The following VTI1A variants were observed in gnomAD, a reference collection of about 807,000 sequenced individuals.
VTI1A encodes the protein vesicle transport through interaction with t-SNAREs 1A.
VTI1A carries 22 observed loss-of-function variants against 34.9 expected under a neutral mutation model. That is an observed-to-expected ratio of 0.63 (90% CI 0.45 to 0.90). The LOEUF (loss-of-function observed/expected upper bound fraction) is 0.90, where lower values mean the gene tolerates loss of function less well. Ranked by LOEUF, VTI1A falls within the 40% of genes least tolerant of loss-of-function variation. VTI1A has a pLI of 0.00. For synonymous variants in VTI1A, 87 were observed against 97.3 expected (o/e 0.89, Z 0.62); for missense variants, 268 against 275.6 (o/e 0.97, Z 0.20).
chr10:112,690,084 A>G (rs375891608), intron 7 of VTI1A, among the ~76,000 whole-genome samples: 1 of 152,134 alleles, frequency 6.6e-6, no homozygotes, highest in Non-Finnish European at 1.5e-5. Context: ...ATGTAGTTGC[A>G]TATGTCAGTA....
intron 5 of VTI1A, among the ~76,000 whole-genome samples, chr10:112,573,167 G>A (rs1048504489): frequency 9.2e-5 from 14 of 152,184 alleles, no homozygotes; most frequent in African/African-American, 3.4e-4. Flanking sequence ...CCTAGCAGAT[G>A]TGATTGGAGC....
Position 112,723,583 on chromosome 10 carries a change from A to G in VTI1A, c.560+54585A>G, listed in dbSNP as rs1849893662. On this transcript the variant is annotated intron_variant, in intron 7 of 7. Coordinates refer to ENST00000393077, the MANE Select transcript of VTI1A (RefSeq NM_145206.4). Reference sequence around the variant, plus strand: ...GCTGACCTCCTGAATCTTCAGGACAATCTCAATTTCAGATGGCCCACCCTG... The same window carrying G: ...GCTGACCTCCTGAATCTTCAGGACAGTCTCAATTTCAGATGGCCCACCCTG... Among the ~76,000 whole-genome samples the G allele has an allele frequency of 2.0e-5, 3 of 152,206 alleles. No individual in the cohort carries two copies. In the South Asian group the frequency reaches 6.2e-4, roughly 32 times the overall value.
At chr10:112,664,387 A>T (rs1211097037) in intron 5 of VTI1A, among the ~76,000 whole-genome samples, 17 of 152,030 alleles carry the variant, frequency 1.1e-4, no homozygotes, top group Non-Finnish European at 1.8e-4. Flanking sequence ...GGTCTTATAA[A>T]TTTTTTTTAA....
At chr10:112,596,764 G>C (rs184320105) in intron 5 of VTI1A, among the ~76,000 whole-genome samples, 1 of 152,092 alleles carries the variant, frequency 6.6e-6, no homozygotes, top group Admixed American at 6.5e-5. Context: ...TTGCTTAACT[G>C]TAATTCTTTT....
At chr10:112,715,851 TG>T (rs1235950320) in intron 7 of VTI1A, among the ~76,000 whole-genome samples, 1 of 152,252 alleles carries the variant, frequency 6.6e-6, no homozygotes, top group Non-Finnish European at 1.5e-5. Context: ...TATCTAAGAC[TG>T]GTGTATTCGC....
At chr10:112,595,577 G>T (rs1042607178) in intron 5 of VTI1A, among the ~76,000 whole-genome samples, 10 of 152,072 alleles carry the variant, frequency 6.6e-5, no homozygotes, top group African/African-American at 2.4e-4. Flanking sequence ...ATTATCACTG[G>T]CCATCAGAGA....
At chr10:112,658,718 G>A (rs1408321084) in intron 5 of VTI1A, among the ~76,000 whole-genome samples, 1 of 152,148 alleles carries the variant, frequency 6.6e-6, no homozygotes, top group Non-Finnish European at 1.5e-5. Flanking sequence ...GATAGTACCT[G>A]GCTGTTCTAA....
chr10:112,603,727 CAAG>C (rs995205612), intron 5 of VTI1A, among the ~76,000 whole-genome samples: 1 of 152,092 alleles, frequency 6.6e-6, no homozygotes, highest in Admixed American at 6.6e-5. Flanking sequence ...CAATGAATGA[CAAG>C]AAAGAATAGC....
chr10:112,778,974 A>C lies in VTI1A; in HGVS notation c.561-36316A>C, dbSNP rs974883489. ...GTGACACATTTTCCTAAAAGAAGGAAAAAAATAAGAATAATAATCGAAGTG... is the reference window on the plus strand; with the variant it reads ...GTGACACATTTTCCTAAAAGAAGGACAAAAATAAGAATAATAATCGAAGTG... On this transcript the variant is annotated intron_variant, in intron 7 of 7. Transcript: ENST00000393077. 5.4e-4 allele frequency among the ~76,000 whole-genome samples: 82 copies of C among 152,204 alleles called. 1 individual carries two copies. Among genetic ancestry groups the C allele is most frequent in the African/African-American group, 1.7e-3 (72 of 41,446 alleles).
chr10:112,538,216 G>C, intron 4 of VTI1A, 30 bp from the exon 5 acceptor site: 1 of 1,588,668 alleles, frequency 6.3e-7, no homozygotes, highest in Non-Finnish European at 8.6e-7. Flanking sequence ...ACGGCCGTCT[G>C]ATTTTTTTTT....
At chr10:112,805,048 A>G (rs1361603239) in intron 7 of VTI1A, among the ~76,000 whole-genome samples, 2 of 150,886 alleles carry the variant, frequency 1.3e-5, no homozygotes, top group Non-Finnish European at 3.0e-5. Flanking sequence ...TACTTTTTGT[A>G]GAGACTTGGG....
the VTI1A span, among the ~76,000 whole-genome samples, chr10:112,836,679 G>A: frequency 6.6e-6 from 1 of 152,266 alleles, no homozygotes; most frequent in East Asian, 1.9e-4. Flanking sequence ...GACCTAAAAG[G>A]GGAGTCTAAT....
At position 112,807,180 on chromosome 10, in the gene VTI1A, C is replaced by T. The variant is rs192722429; in HGVS notation, c.561-8110C>T. Among the ~76,000 whole-genome samples, 23 of 152,190 alleles carry T rather than the reference C, an allele frequency of 1.5e-4. No homozygotes were observed. The East Asian group carries it at 3.3e-3, about 22-fold the overall frequency. On this transcript the variant is annotated intron_variant, in intron 7 of 7. Transcript: ENST00000393077. ...GCAGCCATGGGGAAGAAGGTGGAGA[C>T]GTGGAAAACAGTCATCACGAAACCC...
At chr10:112,717,760 C>T (rs771689064) in intron 7 of VTI1A, among the ~76,000 whole-genome samples, 30 of 152,082 alleles carry the variant, frequency 2.0e-4, no homozygotes, top group Non-Finnish European at 3.8e-4. Context: ...AAGGGCCTGC[C>T]GAGGTTTAAG....
At chr10:112,803,358 G>T (rs1340688527) in intron 7 of VTI1A, among the ~76,000 whole-genome samples, 2 of 152,242 alleles carry the variant, frequency 1.3e-5, no homozygotes, top group Non-Finnish European at 2.9e-5. Context: ...ATGAGCCACT[G>T]CACCCAGCCT....
At chr10:112,734,427 G>A (rs947047049) in intron 7 of VTI1A, among the ~76,000 whole-genome samples, 2 of 151,872 alleles carry the variant, frequency 1.3e-5, no homozygotes, top group Admixed American at 6.6e-5. Context: ...ATAATCCTGC[G>A]TTTTACCTTC....
chr10:112,454,128 G>T (rs531224948), intron 1 of VTI1A, among the ~76,000 whole-genome samples: 1 of 152,198 alleles, frequency 6.6e-6, no homozygotes, highest in African/African-American at 2.4e-5. Flanking sequence ...CTCTCTTAGT[G>T]GTTTGACCCT....
the VTI1A span, among the ~76,000 whole-genome samples, chr10:112,842,688 A>G: frequency 2.0e-5 from 3 of 152,136 alleles, no homozygotes; most frequent in African/African-American, 7.2e-5. Flanking sequence ...CCTTTTCTGC[A>G]CTCCGTGTAG....
At chr10:112,458,736 G>A (rs949812326) in intron 1 of VTI1A, among the ~76,000 whole-genome samples, 5 of 151,342 alleles carry the variant, frequency 3.3e-5, no homozygotes, top group South Asian at 2.1e-4. Context: ...GTGCGATCTC[G>A]GCTCACTGCA....
Sources: gnomAD v4.1 joint callset for allele counts (sites outside exome capture counted in the v4.1 genomes callset) on GRCh38, gnomAD v4.1.1 for gene constraint, MANE v1.5 for transcripts, NCBI Gene and HGNC (gene_info 2026-07-23, HGNC 2026-07-21) for gene names.